The following IRS1 variants were observed in gnomAD, a reference collection of about 807,000 sequenced individuals.
IRS1 encodes the protein insulin receptor substrate 1.
IRS1 carries 34 observed loss-of-function variants against 65.6 expected under a neutral mutation model. The observed-to-expected ratio is 0.52, with a 90% CI of 0.39 to 0.69. IRS1 has a LOEUF of 0.69. IRS1 is among the 30% of genes least tolerant of loss of function. The pLI is 0.00. For missense variants in IRS1, 1,641 were observed against 1,720.2 expected, an observed-to-expected ratio of 0.95 and a Z score of 0.81; for synonymous variants, 699 against 683.5, an observed-to-expected ratio of 1.02 and a Z score of -0.35.
intron 1 of IRS1, among the ~76,000 whole-genome samples, chr2:226,761,815 A>C (rs1164123151): frequency 6.6e-6 from 1 of 152,198 alleles, no homozygotes; most frequent in East Asian, 1.9e-4. Context: ...CTGTTCCATG[A>C]ATGCAGTTTG....
In IRS1 at chr2:226,795,309, C is replaced by A; in HGVS notation, c.3430G>T (p.Ala1144Ser). 1.2e-6 allele frequency: 2 copies of A among 1,613,846 alleles called. No individual in the cohort carries two copies. Among genetic ancestry groups the A allele is most frequent in the Non-Finnish European group, 1.7e-6 (2 of 1,180,028 alleles). The change falls in exon 1 of 2, where the codon GCT (alanine) becomes TCT (serine). Residue 1144 changes from alanine to serine, a missense_variant. Ala to Ser is a moderately conservative substitution (Grantham distance 99). Coordinates refer to ENST00000305123, the MANE Select transcript of IRS1 (RefSeq NM_005544.3). ...CTCAGCCACACATTCTCAAAGGAAG[C>A]AGAGCTGTGGCGTTTCACATCCTCG... Reference protein sequence around the residue: ...SSEDVKRHSSASFENVWLRPG... With the variant: ...SSEDVKRHSSSSFENVWLRPG...
intron 1 of IRS1, among the ~76,000 whole-genome samples, chr2:226,781,630 G>A (rs1382960711): frequency 2.6e-5 from 4 of 152,100 alleles, no homozygotes; most frequent in Admixed American, 1.3e-4. Flanking sequence ...CGAGCTTCAA[G>A]CTGGAGGCTA....
chr2:226,746,365 G>A (rs1290298197), intron 1 of IRS1, among the ~76,000 whole-genome samples: 1 of 152,118 alleles, frequency 6.6e-6, no homozygotes, highest in Non-Finnish European at 1.5e-5. Context: ...TGAAGGAACT[G>A]AACAGGAGTG....
intron 1 of IRS1, among the ~76,000 whole-genome samples, chr2:226,779,468 C>T (rs573995129): frequency 7.9e-5 from 12 of 152,266 alleles, no homozygotes; most frequent in African/African-American, 1.2e-4. Context: ...TACTCAGCCA[C>T]GCTGGTGAAA....
chr2:226,736,918 T>C (rs1938336114), intron 1 of IRS1, among the ~76,000 whole-genome samples: 1 of 152,186 alleles, frequency 6.6e-6, no homozygotes, highest in Non-Finnish European at 1.5e-5. Flanking sequence ...TGATTCCCCT[T>C]CAGAGTGAAG....
At chr2:226,780,051 G>T (rs1939350972) in intron 1 of IRS1, among the ~76,000 whole-genome samples, 1 of 152,166 alleles carries the variant, frequency 6.6e-6, no homozygotes, top group Non-Finnish European at 1.5e-5. Context: ...GGACACATCA[G>T]GAGGGAAATC....
At chr2:226,737,526 G>A (rs553115541) in intron 1 of IRS1, among the ~76,000 whole-genome samples, 1 of 152,204 alleles carries the variant, frequency 6.6e-6, no homozygotes, top group East Asian at 1.9e-4. Flanking sequence ...CTTGTTGAAT[G>A]AGTACGTGGT....
intron 1 of IRS1, among the ~76,000 whole-genome samples, chr2:226,788,485 C>A (rs1211198353): frequency 6.6e-6 from 1 of 152,100 alleles, no homozygotes; most frequent in Non-Finnish European, 1.5e-5. Context: ...ATTTATCCAA[C>A]CAAATTTATT....
rs1174936298 is a variant in IRS1, at chr2:226,732,008, C to T, written c.*4264G>A. 1 of 152,154 alleles carries T rather than the reference C, an allele frequency of 6.6e-6. No homozygotes were observed. The highest frequency in any genetic ancestry group is 1.5e-5 in the Non-Finnish European group (1 of 68,022). 9.4% of individuals were successfully genotyped at this position (152,154 alleles called of 1,614,324 possible). A position where few individuals can be genotyped will look rare whatever the true frequency, so the allele number is the denominator to read the frequency against. On this transcript the variant is annotated 3_prime_UTR_variant, in exon 2 of 2. Coordinates refer to ENST00000305123, the MANE Select transcript of IRS1 (RefSeq NM_005544.3). Reference sequence around the variant, plus strand: ...ACCAGATCTTTTGGTGTATACGTCACAAATGGCAAGTCATACACAAACTAG... The same window carrying T: ...ACCAGATCTTTTGGTGTATACGTCATAAATGGCAAGTCATACACAAACTAG...
At chr2:226,774,445 C>G (rs910691668) in intron 1 of IRS1, among the ~76,000 whole-genome samples, 2 of 151,970 alleles carry the variant, frequency 1.3e-5, no homozygotes, top group Non-Finnish European at 2.9e-5. Context: ...AAGCAAATGT[C>G]CAACTATGTC....
chr2:226,792,949 C>T (rs151208143), intron 1 of IRS1, among the ~76,000 whole-genome samples: 136 of 152,286 alleles, frequency 8.9e-4, no homozygotes, highest in Non-Finnish European at 1.4e-3. Flanking sequence ...ATCTCAAATA[C>T]GCATTGTAGA....
Position 226,799,579 on chromosome 2 carries a change from G to T in IRS1, c.-841C>A. Reference sequence around the variant, plus strand: ...GAGGGGAGGGGACAAGGGCGAGAGGGGATGGGGGAGGTTTGGGAAGGGTTC... The same window carrying T: ...GAGGGGAGGGGACAAGGGCGAGAGGTGATGGGGGAGGTTTGGGAAGGGTTC... On this transcript the variant is annotated 5_prime_UTR_variant, in exon 1 of 2. Coordinates refer to ENST00000305123, the MANE Select transcript of IRS1 (RefSeq NM_005544.3). This position sits in a 1 kb window ranked among gnomAD's most constrained non-coding sequence, Gnocchi z 6.1. The T allele has an allele frequency of 9.7e-7, 1 of 1,030,810 alleles. No individual in the cohort carries two copies. Among genetic ancestry groups the T allele is most frequent in the South Asian group, 3.4e-5 (1 of 29,012 alleles). The allele number at this position is 1,030,810 out of a possible 1,614,324, so 63.9% of individuals were successfully genotyped here.
At chr2:226,750,382 T>G (rs1445332941) in intron 1 of IRS1, among the ~76,000 whole-genome samples, 1 of 152,100 alleles carries the variant, frequency 6.6e-6, no homozygotes, top group East Asian at 1.9e-4. Context: ...GCATAACTAT[T>G]TAGAGAAACA....
In IRS1 at chr2:226,798,352, C is replaced by G. The variant is rs781383655; in HGVS notation, c.387G>C (p.Ala129=). The change falls in exon 1 of 2, where the codon GCG becomes GCC. Residue 129 remains alanine (A), a synonymous_variant. Transcript: ENST00000305123. The surrounding 1 kb of genome is among the most constrained non-coding windows in gnomAD (Gnocchi z 9.4). ...GHHDGAAALG[A]GGGGGSCSGS... is the part of the protein sequence containing the mutation. ...CGCTGCAGCTGCCCCCACCACCTCCCGCCCCGAGGGCCGCAGCTCCGTCGT... is the reference window on the plus strand; with the variant it reads ...CGCTGCAGCTGCCCCCACCACCTCCGGCCCCGAGGGCCGCAGCTCCGTCGT... The G allele has an allele frequency of 1.2e-6, 2 of 1,613,528 alleles. No homozygotes were observed. Among genetic ancestry groups the G allele is most frequent in the Admixed American group, 1.7e-5 (1 of 60,004 alleles).
intron 1 of IRS1, among the ~76,000 whole-genome samples, chr2:226,785,528 G>A (rs1301775677): frequency 6.6e-6 from 1 of 152,194 alleles, no homozygotes; most frequent in South Asian, 2.1e-4. Context: ...GCTTGAACCT[G>A]GGAGGCGAAG....
chr2:226,779,404 T>C (rs1257981577), intron 1 of IRS1, among the ~76,000 whole-genome samples: 1 of 152,198 alleles, frequency 6.6e-6, no homozygotes, highest in African/African-American at 2.4e-5. Context: ...ATTATTTAGA[T>C]ACAACAAACA....
intron 1 of IRS1, among the ~76,000 whole-genome samples, chr2:226,739,947 C>T (rs1003846209): frequency 6.6e-6 from 1 of 152,192 alleles, no homozygotes; most frequent in Non-Finnish European, 1.5e-5. Context: ...CCCGCATAGG[C>T]GTACATATGT....
At chr2:226,767,157 A>G (rs754522799) in intron 1 of IRS1, among the ~76,000 whole-genome samples, 22 of 152,214 alleles carry the variant, frequency 1.4e-4, no homozygotes, top group Non-Finnish European at 2.9e-4. Flanking sequence ...TATCTAGCCT[A>G]CAGGAAGATT....
chr2:226,768,439 A>G (rs1939098326), intron 1 of IRS1, among the ~76,000 whole-genome samples: 1 of 152,218 alleles, frequency 6.6e-6, no homozygotes, highest in South Asian at 2.1e-4. Context: ...ATTGATACAA[A>G]TATATTTTAT....
Sources: allele counts gnomAD v4.1 joint callset (sites outside exome capture counted in the v4.1 genomes callset), GRCh38; gene constraint gnomAD v4.1.1; non-coding constraint Gnocchi (gnomAD v3.1); transcripts MANE v1.5; gene names NCBI Gene and HGNC (gene_info 2026-07-23, HGNC 2026-07-21).